PUDP: variants seen among roughly 807,000 people sequenced by gnomAD.
The protein encoded by PUDP is pseudouridine-5'-phosphatase.
In PUDP, 8 loss-of-function variants were observed where a neutral mutation model predicts 9.4. The observed-to-expected ratio is 0.85, with a 90% CI of 0.50 to 1.53. The LOEUF is 1.53. Among genes scored for constraint, PUDP ranks in the 40% most tolerant of loss-of-function variants. PUDP has a pLI of 0.00. For synonymous variants in PUDP, 99 were observed against 80.7 expected, an observed-to-expected ratio of 1.23 and a Z score of -1.22; for missense variants, 188 against 189.7, an observed-to-expected ratio of 0.99 and a Z score of 0.05.
At chrX:6,822,387 C>T (rs763522571) in intron 3 of PUDP, among the ~76,000 whole-genome samples, 31 of 112,696 alleles carry the variant, frequency 2.8e-4, no homozygotes, top group African/African-American at 8.7e-4. Flanking sequence ...TGCCTGCCCC[C>T]CTCTTCATCA....
intron 3 of PUDP, among the ~76,000 whole-genome samples, chrX:7,067,505 T>C (rs1930599517): frequency 8.9e-6 from 1 of 111,869 alleles, no homozygotes; most frequent in African/African-American, 3.3e-5. Flanking sequence ...CTTACTGAGC[T>C]GTGACCTGGC....
At chrX:7,046,437 G>T (rs1249891229), downstream of PUDP, among the ~76,000 whole-genome samples, 1 of 112,093 alleles carries the variant, frequency 8.9e-6, no homozygotes, top group African/African-American at 3.2e-5. Flanking sequence ...GAGTGTGAAA[G>T]AATAAATGTC....
chrX:6,791,774 T>C (rs1925753329), intron 3 of PUDP, among the ~76,000 whole-genome samples: 1 of 112,267 alleles, frequency 8.9e-6, no homozygotes, highest in Non-Finnish European at 1.9e-5. Context: ...TTAATAAATG[T>C]GTGTTGTTTA....
At chrX:7,127,948 G>A (rs1352347022) in intron 1 of PUDP, among the ~76,000 whole-genome samples, 3 of 112,282 alleles carry the variant, frequency 2.7e-5, no homozygotes, top group African/African-American at 9.7e-5. Flanking sequence ...TTGTAAGTGT[G>A]AGTTAACAGT....
At chrX:6,900,677 G>A (rs1165032633) in intron 3 of PUDP, among the ~76,000 whole-genome samples, 1 of 108,413 alleles carries the variant, frequency 9.2e-6, no homozygotes, top group Non-Finnish European at 1.9e-5. Context: ...CTTTTAAATC[G>A]CTATGGCGTA....
intron 3 of PUDP, among the ~76,000 whole-genome samples, chrX:6,941,360 T>G (rs1928396469): frequency 9.9e-6 from 1 of 100,554 alleles, no homozygotes; most frequent in Admixed American, 1.1e-4. Flanking sequence ...TTTTTTTTTT[T>G]GACAAGGTCT....
downstream of PUDP, among the ~76,000 whole-genome samples, chrX:7,047,856 A>G (rs1930004512): frequency 8.9e-6 from 1 of 112,156 alleles, no homozygotes; most frequent in African/African-American, 3.2e-5. Context: ...AACTTGTTCT[A>G]ATGTGCACGT....
intron 3 of PUDP, among the ~76,000 whole-genome samples, chrX:6,727,374 C>G (rs769289619): frequency 9.8e-5 from 11 of 111,678 alleles, no homozygotes; most frequent in Admixed American, 8.6e-4. Context: ...TGTATAAAAT[C>G]CATGCTTAAA....
intron 1 of PUDP, among the ~76,000 whole-genome samples, chrX:7,016,520 A>T (rs1420862770): frequency 9.0e-6 from 1 of 110,957 alleles, no homozygotes; most frequent in African/African-American, 3.3e-5. Flanking sequence ...CATTTCAATA[A>T]TGGGGTACAC....
intron 3 of PUDP, among the ~76,000 whole-genome samples, chrX:6,846,278 G>A (rs1023668065): frequency 5.5e-5 from 6 of 109,897 alleles, no homozygotes; most frequent in Admixed American, 9.7e-5. Flanking sequence ...GGTGGCGAGC[G>A]CCTATAGTCC....
At chrX:7,091,635 C>T (rs1931425876) in intron 2 of PUDP, among the ~76,000 whole-genome samples, 1 of 111,552 alleles carries the variant, frequency 9.0e-6, no homozygotes, top group Non-Finnish European at 1.9e-5. Flanking sequence ...GCCACCGCGC[C>T]CGGCCTTAAA....
At position 6,902,390 on chromosome X, in the gene PUDP, T is replaced by C. The variant is rs754325480; in HGVS notation, c.*247+74743A>G. Among the ~76,000 whole-genome samples the C allele has an allele frequency of 1.0e-3, 114 of 111,941 alleles. 1 individual carries two copies. The highest frequency in any genetic ancestry group is 4.6e-3 in the Middle Eastern group (1 of 219). ...TGGTGGAAGTGGCTGTCCTGTGTTA[T>C]GTGGGATGGTTAGTGGCATCCTGGC... On this transcript the variant is annotated intron_variant and NMD_transcript_variant, in intron 3 of 3. Coordinates refer to the PUDP transcript ENST00000655425.
At chrX:6,812,174 G>A (rs1308507345) in intron 3 of PUDP, among the ~76,000 whole-genome samples, 2 of 112,057 alleles carry the variant, frequency 1.8e-5, no homozygotes, top group Admixed American at 9.5e-5. Flanking sequence ...AGTGAGAAAG[G>A]TGTGCACAGA....
At chrX:7,102,236 C>T (rs1931754757) in intron 2 of PUDP, among the ~76,000 whole-genome samples, 1 of 100,902 alleles carries the variant, frequency 9.9e-6, no homozygotes. Context: ...TTGAAAGGAT[C>T]ATATACATGA....
At chrX:6,880,788 A>G (rs1391666054) in intron 3 of PUDP, among the ~76,000 whole-genome samples, 1 of 111,889 alleles carries the variant, frequency 8.9e-6, no homozygotes, top group Non-Finnish European at 1.9e-5. Flanking sequence ...GAAGACTAGA[A>G]TTACAGTCCT....
intron 3 of PUDP, among the ~76,000 whole-genome samples, chrX:6,905,585 T>C (rs1354143461): frequency 9.0e-6 from 1 of 111,225 alleles, no homozygotes; most frequent in East Asian, 2.8e-4. Context: ...AAGAACAGCA[T>C]AGGGGAAATC....
intron 3 of PUDP, among the ~76,000 whole-genome samples, chrX:6,740,720 A>G (rs1182806094): frequency 8.9e-6 from 1 of 111,977 alleles, no homozygotes; most frequent in African/African-American, 3.3e-5. Flanking sequence ...GCATTCATTG[A>G]AATGTCATGT....
chrX:6,783,921 G>A (rs1301781597), intron 3 of PUDP, among the ~76,000 whole-genome samples: 1 of 111,301 alleles, frequency 9.0e-6, no homozygotes, highest in African/African-American at 3.3e-5. Context: ...AGAGAAAATG[G>A]GTGTCTCAGC....
chrX:6,845,535 G>C (rs1329298483), intron 3 of PUDP, among the ~76,000 whole-genome samples: 1 of 111,875 alleles, frequency 8.9e-6, no homozygotes, highest in Non-Finnish European at 1.9e-5. Context: ...ATAAGGGCTG[G>C]AATAACATCC....
Sources: allele counts gnomAD v4.1 joint callset (sites outside exome capture counted in the v4.1 genomes callset), GRCh38; gene constraint gnomAD v4.1.1; transcripts MANE v1.5; gene names NCBI Gene and HGNC (gene_info 2026-07-23, HGNC 2026-07-21).